The following LRP1 variants were observed in gnomAD, a reference collection of about 807,000 sequenced individuals.
LRP1 encodes prolow-density lipoprotein receptor-related protein 1.
In LRP1, 51 loss-of-function variants were observed where a neutral mutation model predicts 541.5. The observed-to-expected ratio is 0.09, with a 90% confidence interval of 0.08 to 0.12. The LOEUF is 0.12. Among genes scored for constraint, LRP1 ranks in the 10% least tolerant of loss-of-function variants. The pLI is 1.00. For synonymous variants in LRP1, 2,219 were observed against 2,470.8 expected, an observed-to-expected ratio of 0.90 and a Z score of 3.02; for missense variants, 3,878 against 6,376.2, an observed-to-expected ratio of 0.61 and a Z score of 13.34.
rs1182962270 is a variant in LRP1 at position 57,185,044 on chromosome 12, C to T, written c.6339-37C>T. On this transcript the variant is annotated intron_variant, in intron 39 of 88. Transcript: ENST00000243077. This position sits in a 1 kb window ranked among gnomAD's most constrained non-coding sequence, Gnocchi z 4.9. ...CTGATCTCTTCCTTCCCTCCTGCCTCCACTGATGCCCTGCTTGTGCCCTGT... is the reference window on the plus strand; with the variant it reads ...CTGATCTCTTCCTTCCCTCCTGCCTTCACTGATGCCCTGCTTGTGCCCTGT... 1.2e-6 allele frequency: 2 copies of T among 1,614,074 alleles called. No individual in the cohort carries two copies. Among genetic ancestry groups the T allele is most frequent in the Non-Finnish European group, 1.7e-6 (2 of 1,179,952 alleles).
chr12:57,159,698 C>T, intron 11 of LRP1, 127 bp from the exon 12 acceptor site: 1 of 839,266 alleles, frequency 1.2e-6, no homozygotes, highest in Non-Finnish European at 1.9e-6. Flanking sequence ...GTCTAGGGCC[C>T]CAGAGGGTCC....
In LRP1 at chr12:57,205,604, C is replaced by A; in HGVS notation, c.11517C>A (p.Asn3839Lys). Residue 3839 changes from asparagine to lysine, a missense_variant, in exon 75 of 89, where the codon AAC becomes AAA. Coordinates refer to ENST00000243077, the MANE Select transcript of LRP1 (RefSeq NM_002332.3). The surrounding 1 kb of genome is among the most constrained non-coding windows in gnomAD (Gnocchi z 4.6). ...LRFGTCSQLC[N>K]NTKGGHLCSC... ...TCGGCACCTGCTCCCAGCTCTGCAA[C>A]AACACCAAGGGCGGCCACCTCTGCA... The A allele has an allele frequency of 1.9e-6, 3 of 1,613,956 alleles. No homozygotes were observed. Among genetic ancestry groups the A allele is most frequent in the East Asian group, 2.2e-5 (1 of 44,886 alleles).
intron 1 of LRP1, among the ~76,000 whole-genome samples, chr12:57,132,574 C>T (rs1326282642): frequency 1.3e-5 from 2 of 152,204 alleles, no homozygotes; most frequent in Admixed American, 6.5e-5. Flanking sequence ...ATCCCCTTGG[C>T]AATCTCTGGA....
rs2136703307 is a variant in LRP1, at chr12:57,179,286, C to G, written c.4739-43C>G. On this transcript the variant is annotated intron_variant, in intron 28 of 88. Transcript: ENST00000243077. The surrounding 1 kb of genome is among the most constrained non-coding windows in gnomAD (Gnocchi z 6.8). ...CCTGAAACCGGATTGGTGGGAAGCA[C>G]AGAGGCAGGGACTGCCTTCAGTGAC... is the stretch of plus-strand genomic sequence containing the variant. 1 of 1,451,002 alleles carries G rather than the reference C, an allele frequency of 6.9e-7. No homozygotes were observed. Among genetic ancestry groups the G allele is most frequent in the African/African-American group, 1.4e-5 (1 of 71,804 alleles). 89.9% of individuals were successfully genotyped at this position (1,451,002 alleles called of 1,614,324 possible). A position where few individuals can be genotyped will look rare whatever the true frequency, so the allele number is the denominator to read the frequency against.
Position 57,178,729 on chromosome 12 carries a change from G to T in LRP1, c.4606+126G>T. On this transcript the variant is annotated intron_variant, in intron 27 of 88. Coordinates refer to ENST00000243077, the MANE Select transcript of LRP1 (RefSeq NM_002332.3). The surrounding 1 kb of genome is among the most constrained non-coding windows in gnomAD (Gnocchi z 5.8). ...AGTCTGTGCTGGGATGGCAGGGGTA[G>T]GCCGGCTGTTGACAGAGGCACTGTC... The T allele has an allele frequency of 6.5e-7, 1 of 1,528,946 alleles. No homozygotes were observed. The highest frequency in any genetic ancestry group is 1.2e-5 in the South Asian group (1 of 80,850). 94.7% of individuals were successfully genotyped at this position (1,528,946 alleles called of 1,614,324 possible).
At chr12:57,191,838 C>CACATGCAGTA (rs2036393776) in intron 44 of LRP1, among the ~76,000 whole-genome samples, 1 of 43,590 alleles carries the variant, frequency 2.3e-5, no homozygotes, top group African/African-American at 8.6e-5. Context: ...CACACACATA[C>CACATGCAGTA]CACACACACA....
Position 57,178,321 on chromosome 12 carries a change from C to T in LRP1, c.4362-38C>T. 6.3e-7 allele frequency: 1 copy of T among 1,590,188 alleles called. No individual in the cohort carries two copies. The highest frequency in any genetic ancestry group is 8.6e-7 in the Non-Finnish European group (1 of 1,165,874). On this transcript the variant is annotated intron_variant, in intron 26 of 88. Coordinates refer to ENST00000243077, the MANE Select transcript of LRP1 (RefSeq NM_002332.3). This position sits in a 1 kb window ranked among gnomAD's most constrained non-coding sequence, Gnocchi z 5.8. ...GGGCAGAGCTCTGAGGGCTGAGATCCCAGCTGGCATCCTCATTCTGCTCCA... is the reference window on the plus strand; with the variant it reads ...GGGCAGAGCTCTGAGGGCTGAGATCTCAGCTGGCATCCTCATTCTGCTCCA...
At chr12:57,182,861 A>C (rs1183814730) in intron 34 of LRP1, among the ~76,000 whole-genome samples, 1 of 152,202 alleles carries the variant, frequency 6.6e-6, no homozygotes, top group Non-Finnish European at 1.5e-5. Context: ...AAAGAAAAAG[A>C]AATGGGATAA....
rs906932696 is a variant in LRP1, at chr12:57,195,997, A to C, written c.8695A>C (p.Ser2899Arg). 1 of 1,612,904 alleles carries C rather than the reference A, an allele frequency of 6.2e-7. No homozygotes were observed. The highest frequency in any genetic ancestry group is 8.5e-7 in the Non-Finnish European group (1 of 1,179,980). The change falls in exon 54 of 89, where the codon AGC (serine) becomes CGC (arginine). Residue 2899 changes from serine (S) to arginine (R), a missense_variant. By Grantham distance (110) the Ser-to-Arg change is moderately radical. Around this residue, in one of 13 missense-constraint regions of LRP1, gnomAD observed 1,100 missense variants for 1,827.4 expected, o/e 0.60. Transcript: ENST00000243077. ...GGCTCCCAAGAACCCACACTGCACC[A>C]GCCAAGGTGGGCCCCAGACCTGGCT... ...DEAPKNPHCT[S>R]QEHKCNASSQ... is the part of the protein sequence containing the mutation.
At position 57,193,606 on chromosome 12, in the gene LRP1, T is replaced by C; in HGVS notation, c.7725T>C (p.Asn2575=). 2 of 1,614,166 alleles carry C rather than the reference T, an allele frequency of 1.2e-6. No homozygotes were observed. The highest frequency in any genetic ancestry group is 2.2e-5 in the East Asian group (1 of 44,884). The part of the protein sequence containing the change: ...RCKKTFRQCS[N]GRCVSNMLWC... ...AGAAGACTTTCCGGCAGTGCAGCAA[T>C]GGGCGCTGTGTGTCCAACATGCTGT... Residue 2575 remains asparagine (N), a synonymous_variant, in exon 47 of 89, where the codon AAT becomes AAC. Transcript: ENST00000243077.
rs1270782667 is a variant in LRP1 at position 57,129,025 on chromosome 12, A to G, written c.61A>G (p.Ile21Val). 1.3e-6 allele frequency: 2 copies of G among 1,551,368 alleles called. No homozygotes were observed. Among genetic ancestry groups the G allele is most frequent in the Non-Finnish European group, 1.7e-6 (2 of 1,146,826 alleles). ...PLLSALVAAA[I>V]DAPKTCSPKQ... Reference sequence around the variant, plus strand: ...GCTCTCAGCTCTGGTCGCGGCGGCTATCGACGGTGAGTGAGATTCCGCGTC... The same window carrying G: ...GCTCTCAGCTCTGGTCGCGGCGGCTGTCGACGGTGAGTGAGATTCCGCGTC... The change falls in exon 1 of 89, where the codon ATC becomes GTC. Residue 21 changes from isoleucine to valine, a missense_variant. This residue lies in a region of LRP1 where 293 missense variants were observed against 403.7 expected (regional missense o/e 0.73). Coordinates refer to ENST00000243077, the MANE Select transcript of LRP1 (RefSeq NM_002332.3).
Position 57,198,513 on chromosome 12 carries a change from C to T in LRP1, c.9519C>T (p.Ile3173=), listed in dbSNP as rs779666568. The T allele has an allele frequency of 1.6e-5, 26 of 1,613,966 alleles. No homozygotes were observed. The highest frequency in any genetic ancestry group is 2.0e-5 in the Non-Finnish European group (24 of 1,180,034). Reference sequence around the variant, plus strand: ...GTGACCATTCACTGATCGGCCGCATCGGCATGGATGGGTCCAGCCGCAGCG... The same window carrying T: ...GTGACCATTCACTGATCGGCCGCATTGGCATGGATGGGTCCAGCCGCAGCG... ...DWGDHSLIGR[I]GMDGSSRSVI... The change falls in exon 60 of 89, where the codon ATC becomes ATT. Residue 3173 remains isoleucine (I), a synonymous_variant. Transcript: ENST00000243077.
At position 57,177,275 on chromosome 12, in the gene LRP1, C is replaced by T; in HGVS notation, c.4196+30C>T. The stretch of plus-strand genomic sequence containing the variant: ...GGACCTTGCCCAGCCTTCTCCTGGC[C>T]CCATGGCCCCCCTGAAGTCCCATTC... On this transcript the variant is annotated intron_variant, in intron 25 of 88. Coordinates refer to ENST00000243077, the MANE Select transcript of LRP1 (RefSeq NM_002332.3). This position sits in a 1 kb window ranked among gnomAD's most constrained non-coding sequence, Gnocchi z 6.8. 1 of 1,608,132 alleles carries T rather than the reference C, an allele frequency of 6.2e-7. No individual in the cohort carries two copies. The highest frequency in any genetic ancestry group is 1.7e-5 in the Admixed American group (1 of 59,848).
intron 34 of LRP1, 116 bp downstream of exon 34, chr12:57,181,407 G>A: frequency 2.3e-6 from 3 of 1,296,580 alleles, no homozygotes; most frequent in Non-Finnish European, 3.1e-6. Context: ...TCGTCGTGTA[G>A]GGGACACTGG....
rs770308892 is a variant in LRP1, at chr12:57,156,086, C to T, written c.1228-8C>T. 128 of 1,611,912 alleles carry T rather than the reference C, an allele frequency of 7.9e-5. 1 individual carries two copies. The South Asian group carries it at 1.3e-3, about 17-fold the overall frequency. On this transcript the variant is annotated splice_polypyrimidine_tract_variant and splice_region_variant and intron_variant, in intron 8 of 88. Coordinates refer to ENST00000243077, the MANE Select transcript of LRP1 (RefSeq NM_002332.3). The surrounding 1 kb of genome is among the most constrained non-coding windows in gnomAD (Gnocchi z 5.2). The stretch of plus-strand genomic sequence containing the variant: ...CTCATGCTGTCCATTCTTGCCTGCC[C>T]GTCTCAGATTGAGCACCTGTACGGC...
Position 57,212,266 on chromosome 12 carries a change from G to A in LRP1, c.13494+5G>A, listed in dbSNP as rs2036934922. The stretch of plus-strand genomic sequence containing the variant: ...TTTGCCCTGGACCCTGACAAGGTGG[G>A]CTGGGAGGCGGGCAGGGTCGAGTGC... On this transcript the variant is annotated splice_donor_5th_base_variant and intron_variant, in intron 88 of 88. Coordinates refer to ENST00000243077, the MANE Select transcript of LRP1 (RefSeq NM_002332.3). This position sits in a 1 kb window ranked among gnomAD's most constrained non-coding sequence, Gnocchi z 5.0. 1.9e-6 allele frequency: 3 copies of A among 1,612,886 alleles called. No homozygotes were observed. Among genetic ancestry groups the A allele is most frequent in the Non-Finnish European group, 2.5e-6 (3 of 1,179,346 alleles).
chr12:57,204,057 G>A lies in LRP1; in HGVS notation c.10952-353G>A, dbSNP rs755744104. 7.8e-5 allele frequency: 17 copies of A among 218,174 alleles called. 1 individual carries two copies. The highest frequency in any genetic ancestry group is 1.6e-4 in the Admixed American group (3 of 18,576). 13.5% of individuals were successfully genotyped at this position (218,174 alleles called of 1,614,324 possible). ...AGGCCAGGCACAGGGATGGGAACCC[G>A]GTCTTCCATTCCCAGCCCAGTGCTG... On this transcript the variant is annotated intron_variant, in intron 70 of 88. Transcript: ENST00000243077. The surrounding 1 kb of genome is among the most constrained non-coding windows in gnomAD (Gnocchi z 5.3).
At position 57,153,414 on chromosome 12, in the gene LRP1, C is replaced by T. The variant is rs368655687; in HGVS notation, c.842-794C>T. 1.1e-4 allele frequency among the ~76,000 whole-genome samples: 17 copies of T among 152,314 alleles called. No individual in the cohort carries two copies. The East Asian group carries it at 1.5e-3, about 14-fold the overall frequency. On this transcript the variant is annotated intron_variant, in intron 6 of 88. Coordinates refer to ENST00000243077, the MANE Select transcript of LRP1 (RefSeq NM_002332.3). ...GAGTCTAGGCAGCTGGGCTCCATCT[C>T]CTTCCCCCACTCCCATCATCCTTAA...
At chr12:57,194,852 G>C in intron 50 of LRP1, 133 bp from the exon 51 acceptor site, 7 of 1,179,010 alleles carry the variant, frequency 5.9e-6, no homozygotes, top group Non-Finnish European at 8.6e-6. Context: ...CAGAGACTCT[G>C]CCTCTAGCTG....
Sources: gnomAD v4.1 joint callset for allele counts (sites outside exome capture counted in the v4.1 genomes callset) on GRCh38, gnomAD v4.1.1 for gene constraint, gnomAD v4.1.1 regional missense constraint, Gnocchi (gnomAD v3.1) non-coding constraint, MANE v1.5 for transcripts, NCBI Gene and HGNC (gene_info 2026-07-23, HGNC 2026-07-21) for gene names.